SCAPER: variants seen among roughly 807,000 people sequenced by gnomAD.
SCAPER encodes the protein S-phase cyclin A associated protein in the ER, also known as S phase cyclin A-associated protein in the endoplasmic reticulum.
In SCAPER, 98 loss-of-function variants were observed where a neutral mutation model predicts 182.2. The observed-to-expected ratio is 0.54, with a 90% CI of 0.46 to 0.64. The LOEUF (loss-of-function observed/expected upper bound fraction) is 0.64, where lower values mean the gene tolerates loss of function less well. SCAPER is among the 30% of genes least tolerant of loss of function. The probability of loss-of-function intolerance (pLI) is 0.00; values close to 1 mark genes in which losing one functional copy is unlikely to be tolerated. For synonymous variants in SCAPER, 605 were observed against 564.6 expected (o/e 1.07, Z -1.01); for missense variants, 1,432 against 1,690.0 (o/e 0.85, Z 2.68).
At chr15:76,680,865 C>G (rs942402741) in intron 20 of SCAPER, among the ~76,000 whole-genome samples, 4 of 152,156 alleles carry the variant, frequency 2.6e-5, no homozygotes, top group African/African-American at 9.7e-5. Flanking sequence ...TATAAATTAA[C>G]CAGCCTCAGG....
chr15:76,731,257 C>A (rs2060904977), intron 16 of SCAPER, among the ~76,000 whole-genome samples: 1 of 152,136 alleles, frequency 6.6e-6, no homozygotes, highest in Non-Finnish European at 1.5e-5. Context: ...CCCTTCATAT[C>A]TCAGCCAGGG....
At chr15:76,799,910 G>A (rs1438557296) in intron 7 of SCAPER, among the ~76,000 whole-genome samples, 4 of 151,982 alleles carry the variant, frequency 2.6e-5, no homozygotes, top group African/African-American at 9.7e-5. Context: ...CTAGGCTTCT[G>A]TTGATCCTTG....
chr15:76,854,531 T>C (rs1457544663), intron 4 of SCAPER, among the ~76,000 whole-genome samples: 1 of 152,274 alleles, frequency 6.6e-6, no homozygotes, highest in Non-Finnish European at 1.5e-5. Flanking sequence ...ACAGCCATAC[T>C]GCCCAAAGCA....
intron 25 of SCAPER, among the ~76,000 whole-genome samples, chr15:76,467,002 G>T (rs2049720118): frequency 6.6e-6 from 1 of 152,020 alleles, no homozygotes; most frequent in South Asian, 2.1e-4. Flanking sequence ...CCCCCTTGCT[G>T]TTCTTGTGAT....
intron 1 of SCAPER, among the ~76,000 whole-genome samples, chr15:76,892,222 TAGA>T (rs2074205731): frequency 6.6e-6 from 1 of 152,166 alleles, no homozygotes; most frequent in African/African-American, 2.4e-5. Context: ...ATAAAAACTC[TAGA>T]AGAAAACCTA....
intron 21 of SCAPER, among the ~76,000 whole-genome samples, chr15:76,638,328 T>C (rs1298347484): frequency 6.6e-6 from 1 of 152,198 alleles, no homozygotes; most frequent in Non-Finnish European, 1.5e-5. Context: ...TTGACACTTT[T>C]ATTTTTCCCT....
chr15:76,665,080 C>A (rs746304947), intron 21 of SCAPER, among the ~76,000 whole-genome samples: 2 of 152,196 alleles, frequency 1.3e-5, no homozygotes, highest in Non-Finnish European at 2.9e-5. Flanking sequence ...CCGGACTCAT[C>A]CGTCATCAGA....
In SCAPER at chr15:76,887,211, T is replaced by TC. The variant is rs145989925; in HGVS notation, c.-59-3336dup. 4.3e-3 allele frequency among the ~76,000 whole-genome samples: 655 copies of TC among 152,234 alleles called. 8 individuals are homozygous for TC. Among genetic ancestry groups the TC allele is most frequent in the African/African-American group, 0.015 (610 of 41,540 alleles). ...TCCAAGATGGCCAAACAGGAACACC[T>TC]CCAGTCTGCAGCTTCCAGCATAAGT... On this transcript the variant is annotated intron_variant, in intron 1 of 31. Transcript: ENST00000563290.
At chr15:76,903,236 G>A (rs1233534665) in intron 1 of SCAPER, among the ~76,000 whole-genome samples, 5 of 152,100 alleles carry the variant, frequency 3.3e-5, no homozygotes. Flanking sequence ...AGTCTGTTTA[G>A]AATACTATAT....
chr15:76,372,340 T>C (rs1308423627), intron 29 of SCAPER, among the ~76,000 whole-genome samples: 1 of 152,140 alleles, frequency 6.6e-6, no homozygotes, highest in East Asian at 1.9e-4. Flanking sequence ...CTCCACCCAT[T>C]TCATCTGCTT....
At chr15:76,569,251 T>C (rs2047266482) in intron 23 of SCAPER, among the ~76,000 whole-genome samples, 1 of 152,196 alleles carries the variant, frequency 6.6e-6, no homozygotes, top group African/African-American at 2.4e-5. Context: ...TATGAATCTT[T>C]ATCATTAATT....
chr15:76,510,441 A>G (rs1007955471), intron 23 of SCAPER, among the ~76,000 whole-genome samples: 5 of 152,228 alleles, frequency 3.3e-5, no homozygotes, highest in Non-Finnish European at 7.3e-5. Flanking sequence ...TGAGGATATG[A>G]ATAGACAATT....
chr15:76,747,934 G>A (rs1022752856), intron 15 of SCAPER, among the ~76,000 whole-genome samples: 6 of 151,706 alleles, frequency 4.0e-5, no homozygotes, highest in African/African-American at 1.5e-4. Flanking sequence ...ACAGACCAAT[G>A]AGAGGGTCTG....
intron 23 of SCAPER, among the ~76,000 whole-genome samples, chr15:76,565,634 AAC>A (rs2046982863): frequency 6.6e-6 from 1 of 152,122 alleles, no homozygotes; most frequent in South Asian, 2.1e-4. Flanking sequence ...CAAAATACAC[AAC>A]ACTTTTTAAT....
chr15:76,513,599 C>A (rs2042209724), intron 23 of SCAPER, among the ~76,000 whole-genome samples: 1 of 152,168 alleles, frequency 6.6e-6, no homozygotes, highest in African/African-American at 2.4e-5. Flanking sequence ...TCTCTTGTTC[C>A]TCTCTTTTCA....
intron 25 of SCAPER, among the ~76,000 whole-genome samples, chr15:76,449,119 T>C (rs929499161): frequency 3.9e-5 from 6 of 152,246 alleles, no homozygotes; most frequent in African/African-American, 9.6e-5. Context: ...AAGTTATTCA[T>C]AGGCAGCAAC....
At chr15:76,787,648 G>A (rs957726361) in intron 8 of SCAPER, among the ~76,000 whole-genome samples, 3 of 152,104 alleles carry the variant, frequency 2.0e-5, no homozygotes, top group Admixed American at 6.5e-5. Context: ...AACTGGTGGA[G>A]TAAATGGACA....
At chr15:76,624,341 C>G (rs748704175) in intron 21 of SCAPER, among the ~76,000 whole-genome samples, 1 of 151,982 alleles carries the variant, frequency 6.6e-6, no homozygotes, top group Non-Finnish European at 1.5e-5. Context: ...ACATTTAAAC[C>G]AAGGAAGTGA....
At chr15:76,638,072 ATATCT>A (rs936470873) in intron 21 of SCAPER, among the ~76,000 whole-genome samples, 21 of 152,088 alleles carry the variant, frequency 1.4e-4, no homozygotes, top group African/African-American at 4.8e-4. Flanking sequence ...TCTTTTACAA[ATATCT>A]TCTCTCATTC....
Sources: allele counts gnomAD v4.1 joint callset (sites outside exome capture counted in the v4.1 genomes callset), GRCh38; gene constraint gnomAD v4.1.1; transcripts MANE v1.5; gene names NCBI Gene and HGNC (gene_info 2026-07-23, HGNC 2026-07-21).